EHBP1: variants seen among roughly 807,000 people sequenced by gnomAD.
The protein encoded by EHBP1 is EH domain-binding protein 1.
A neutral mutation model predicts 144.0 loss-of-function variants in EHBP1; 55 were observed. That is an observed-to-expected ratio of 0.38 (90% CI 0.31 to 0.48). EHBP1 has a LOEUF of 0.48. Ranked by LOEUF, EHBP1 falls within the 20% of genes least tolerant of loss-of-function variation. The pLI is 0.98. For missense variants in EHBP1, 1,200 were observed against 1,364.2 expected, an observed-to-expected ratio of 0.88 and a Z score of 1.90; for synonymous variants, 469 against 472.7, an observed-to-expected ratio of 0.99 and a Z score of 0.10.
At chr2:62,763,310 TAA>T (rs1294654890) in intron 3 of EHBP1, among the ~76,000 whole-genome samples, 1 of 152,174 alleles carries the variant, frequency 6.6e-6, no homozygotes, top group East Asian at 1.9e-4. Context: ...TACTGTATTG[TAA>T]ACTCCCCCAA....
At chr2:62,898,946 G>T (rs2053174324) in intron 10 of EHBP1, among the ~76,000 whole-genome samples, 1 of 152,104 alleles carries the variant, frequency 6.6e-6, no homozygotes, top group South Asian at 2.1e-4. Flanking sequence ...CTTCCATGTA[G>T]AATATGCACC....
At chr2:62,818,829 G>T (rs2045646475) in intron 5 of EHBP1, among the ~76,000 whole-genome samples, 1 of 152,148 alleles carries the variant, frequency 6.6e-6, no homozygotes, top group African/African-American at 2.4e-5. Context: ...AATAGTATTG[G>T]TAATGAAAAA....
intron 5 of EHBP1, among the ~76,000 whole-genome samples, chr2:62,810,321 A>G (rs1468463420): frequency 6.6e-6 from 1 of 152,214 alleles, no homozygotes; most frequent in East Asian, 1.9e-4. Flanking sequence ...GAGACTAGAG[A>G]AAGGGAGACA....
intron 11 of EHBP1, among the ~76,000 whole-genome samples, chr2:62,943,119 A>C (rs896463791): frequency 6.6e-6 from 1 of 152,130 alleles, no homozygotes; most frequent in Admixed American, 6.5e-5. Context: ...GCTCACGCCT[A>C]TAATCTCAGC....
intron 12 of EHBP1, among the ~76,000 whole-genome samples, chr2:62,944,935 G>C (rs1558957005): frequency 6.6e-6 from 1 of 152,194 alleles, no homozygotes; most frequent in Non-Finnish European, 1.5e-5. Flanking sequence ...CTTAACCTGT[G>C]AACTGTGGGT....
At chr2:62,972,740 C>A (rs2058553040) in intron 14 of EHBP1, among the ~76,000 whole-genome samples, 1 of 152,094 alleles carries the variant, frequency 6.6e-6, no homozygotes. Flanking sequence ...TAAATTAAGG[C>A]AATCTGATAG....
At chr2:62,683,658 CAAAAAAAAAAAA>C (rs397936534) in intron 1 of EHBP1, among the ~76,000 whole-genome samples, 5 of 50,142 alleles carry the variant, frequency 1.0e-4, no homozygotes, top group African/African-American at 1.9e-4. Context: ...GACTCCATCT[CAAAAAAAAAAAA>C]AAAAAAAAAA....
chr2:62,921,901 G>T (rs960253566), intron 10 of EHBP1, among the ~76,000 whole-genome samples: 7 of 152,200 alleles, frequency 4.6e-5, no homozygotes, highest in Admixed American at 4.6e-4. Flanking sequence ...AATCTGCCAG[G>T]CGTGGTGGCT....
intron 3 of EHBP1, 87 bp from the exon 4 acceptor site, chr2:62,764,179 A>G: frequency 2.1e-6 from 2 of 940,890 alleles, no homozygotes; most frequent in Non-Finnish European, 3.1e-6. Flanking sequence ...CCTGTACTTC[A>G]TATTGAAGGT....
At chr2:63,042,491 G>A (rs1040103021) in intron 21 of EHBP1, among the ~76,000 whole-genome samples, 1 of 151,936 alleles carries the variant, frequency 6.6e-6, no homozygotes, top group South Asian at 2.1e-4. Flanking sequence ...TGTAATGACA[G>A]ATTTAATATT....
chr2:62,780,041 A>G (rs1300808445), intron 5 of EHBP1, among the ~76,000 whole-genome samples: 8 of 152,168 alleles, frequency 5.3e-5, no homozygotes, highest in Non-Finnish European at 1.2e-4. Flanking sequence ...GAACGTGGTT[A>G]AGAGTTACTG....
intron 10 of EHBP1, among the ~76,000 whole-genome samples, chr2:62,877,938 A>C (rs2051031443): frequency 6.6e-6 from 1 of 152,196 alleles, no homozygotes; most frequent in African/African-American, 2.4e-5. Context: ...AATCAAGAAC[A>C]AACCAACCGA....
intron 1 of EHBP1, among the ~76,000 whole-genome samples, chr2:62,675,232 C>A (rs1317277651): frequency 1.3e-5 from 2 of 152,052 alleles, no homozygotes; most frequent in African/African-American, 4.8e-5. Context: ...GTAGTCTGTG[C>A]CCTGTGAAAA....
intron 7 of EHBP1, among the ~76,000 whole-genome samples, chr2:62,838,311 T>A (rs1290316884): frequency 6.6e-6 from 1 of 152,242 alleles, no homozygotes; most frequent in South Asian, 2.1e-4. Flanking sequence ...AGACACAACA[T>A]ACCACAATCT....
intron 9 of EHBP1, among the ~76,000 whole-genome samples, chr2:62,865,319 T>A (rs1043498687): frequency 2.0e-5 from 3 of 152,238 alleles, no homozygotes; most frequent in African/African-American, 7.2e-5. Flanking sequence ...AGTTATCTTA[T>A]AGGTCTGTTG....
chr2:62,939,151 G>A (rs1002640443), intron 10 of EHBP1, among the ~76,000 whole-genome samples: 2 of 152,160 alleles, frequency 1.3e-5, no homozygotes, highest in Non-Finnish European at 2.9e-5. Flanking sequence ...ATAATAACCA[G>A]TAAGCATAAC....
intron 21 of EHBP1, among the ~76,000 whole-genome samples, chr2:63,042,668 A>T (rs574628481): frequency 6.6e-6 from 1 of 152,068 alleles, no homozygotes; most frequent in East Asian, 1.9e-4. Context: ...ATTTTAAATT[A>T]CTCAATACTT....
At chr2:62,763,146 A>G (rs908133062) in intron 3 of EHBP1, among the ~76,000 whole-genome samples, 2 of 152,014 alleles carry the variant, frequency 1.3e-5, no homozygotes, top group Non-Finnish European at 2.9e-5. Flanking sequence ...CTCAAGTGTC[A>G]TCTTCTCAAT....
chr2:62,854,950 ATTC>A lies in EHBP1; in HGVS notation c.635-4216_635-4214del, dbSNP rs567112482. 3.4e-3 allele frequency among the ~76,000 whole-genome samples: 523 copies of A among 152,228 alleles called. 2 individuals carry two copies. The highest frequency in any genetic ancestry group is 5.7e-3 in the Admixed American group (87 of 15,290). On this transcript the variant is annotated intron_variant, in intron 7 of 22. Coordinates refer to ENST00000431489, the MANE Select transcript of EHBP1 (RefSeq NM_001142616.3). ...GTGCTGCAGACCCAGGTACCCCTCT[ATTC>A]TTGGACCCTGGAGCAGGTGGGAGCC...
Sources: allele counts gnomAD v4.1 joint callset (sites outside exome capture counted in the v4.1 genomes callset), GRCh38; gene constraint gnomAD v4.1.1; transcripts MANE v1.5; gene names NCBI Gene and HGNC (gene_info 2026-07-23, HGNC 2026-07-21).